The following DIRAS2 variants were observed in gnomAD, a reference collection of about 807,000 sequenced individuals.
DIRAS2 encodes the protein GTP-binding protein Di-Ras2.
DIRAS2 carries 5 observed loss-of-function variants against 13.9 expected under a neutral mutation model. The ratio of observed to expected loss-of-function variants is 0.36; its 90% confidence interval spans 0.19 to 0.76. DIRAS2 has a LOEUF of 0.76. Among genes scored for constraint, DIRAS2 ranks in the 30% least tolerant of loss-of-function variants. The probability of loss-of-function intolerance (pLI) is 0.53; values close to 1 mark genes in which losing one functional copy is unlikely to be tolerated. For synonymous variants in DIRAS2, 111 were observed against 105.4 expected (o/e 1.05, Z -0.33); for missense variants, 191 against 263.0 (o/e 0.73, Z 1.89).
chr9:90,620,318 C>G (rs903477679), intron 1 of DIRAS2, among the ~76,000 whole-genome samples: 8 of 152,178 alleles, frequency 5.3e-5, no homozygotes, highest in African/African-American at 1.7e-4. Flanking sequence ...GAGAAATAAC[C>G]TGTTAAAGGT....
At position 90,611,899 on chromosome 9, in the gene DIRAS2, AGCT is replaced by A; in HGVS notation, c.*1326_*1328del. ...AGGCTCTACGATGGCAGAGCAATTAAGCTGAGTGGGCTCTTCCCAGGGCAGAGA... is the reference window on the plus strand; with the variant it reads ...AGGCTCTACGATGGCAGAGCAATTAAGAGTGGGCTCTTCCCAGGGCAGAGA... On this transcript the variant is annotated 3_prime_UTR_variant, in exon 2 of 2. Transcript: ENST00000375765. The A allele has an allele frequency of 1.3e-5, 2 of 152,254 alleles. No homozygotes were observed. Among genetic ancestry groups the A allele is most frequent in the African/African-American group, 4.8e-5 (2 of 41,470 alleles). The allele number at this position is 152,254 out of a possible 1,614,324, so 9.4% of individuals were successfully genotyped here.
chr9:90,627,511 A>G (rs1825280976), intron 1 of DIRAS2, among the ~76,000 whole-genome samples: 1 of 152,232 alleles, frequency 6.6e-6, no homozygotes, highest in Non-Finnish European at 1.5e-5. Flanking sequence ...GGGAGTTGCC[A>G]GGGGCTAAGG....
chr9:90,633,243 G>A (rs1308630767), intron 1 of DIRAS2, among the ~76,000 whole-genome samples: 3 of 152,182 alleles, frequency 2.0e-5, no homozygotes, highest in Non-Finnish European at 4.4e-5. Context: ...GAGCAGAGGA[G>A]GCAGAAAACA....
chr9:90,630,074 T>C (rs1432439362), intron 1 of DIRAS2, among the ~76,000 whole-genome samples: 1 of 152,074 alleles, frequency 6.6e-6, no homozygotes, highest in Non-Finnish European at 1.5e-5. Context: ...TCTGTTCTTT[T>C]TCTCTCTCTC....
At chr9:90,636,904 C>G (rs1048611486) in intron 1 of DIRAS2, among the ~76,000 whole-genome samples, 2 of 152,184 alleles carry the variant, frequency 1.3e-5, no homozygotes, top group Non-Finnish European at 2.9e-5. Context: ...AACTAACCTA[C>G]TGTATACCAT....
chr9:90,621,963 T>G (rs948686989), intron 1 of DIRAS2, among the ~76,000 whole-genome samples: 3 of 152,226 alleles, frequency 2.0e-5, no homozygotes, highest in Admixed American at 6.5e-5. Context: ...TTCTAAATCC[T>G]ACCAAAAGGC....
rs546825713 is a variant in DIRAS2 at position 90,636,273 on chromosome 9, C to A, written c.-37+6479G>T. ...CAGGATGGTCTCCATCTCCTGACCT[C>A]GTGATCCACCCGCCTTGGCCTCCCA... On this transcript the variant is annotated intron_variant, in intron 1 of 1. Coordinates refer to ENST00000375765, the MANE Select transcript of DIRAS2 (RefSeq NM_017594.5). Among the ~76,000 whole-genome samples the A allele has an allele frequency of 5.3e-5, 8 of 151,970 alleles. No individual in the cohort carries two copies. The East Asian group carries it at 1.6e-3, about 29-fold the overall frequency.
chr9:90,621,700 T>A (rs1224293307), intron 1 of DIRAS2, among the ~76,000 whole-genome samples: 1 of 152,196 alleles, frequency 6.6e-6, no homozygotes, highest in Non-Finnish European at 1.5e-5. Flanking sequence ...GAGAACTTAG[T>A]CATCATCTTC....
chr9:90,614,678 G>A (rs1825151553), intron 1 of DIRAS2, among the ~76,000 whole-genome samples: 1 of 152,118 alleles, frequency 6.6e-6, no homozygotes, highest in Non-Finnish European at 1.5e-5. Context: ...AGTATGAAGA[G>A]TTAACTAATA....
chr9:90,629,274 T>G (rs1164102950), intron 1 of DIRAS2, among the ~76,000 whole-genome samples: 1 of 152,212 alleles, frequency 6.6e-6, no homozygotes, highest in Non-Finnish European at 1.5e-5. Context: ...AAAACAAATC[T>G]CTATACTCTT....
intron 1 of DIRAS2, among the ~76,000 whole-genome samples, chr9:90,632,952 T>C (rs1825338897): frequency 6.6e-6 from 1 of 152,218 alleles, no homozygotes; most frequent in Admixed American, 6.5e-5. Context: ...TACTTGGTGA[T>C]ATCCATGGCT....
chr9:90,619,660 A>G (rs58713446), intron 1 of DIRAS2, among the ~76,000 whole-genome samples: 28,196 of 152,130 alleles, frequency 0.19, 2,731 homozygotes, highest in East Asian at 0.21. Context: ...AAGGTTAAAC[A>G]GAATTATAAT....
intron 1 of DIRAS2, among the ~76,000 whole-genome samples, chr9:90,618,642 T>C (rs1447276143): frequency 1.3e-5 from 2 of 152,148 alleles, no homozygotes; most frequent in Non-Finnish European, 2.9e-5. Context: ...AAATCATATA[T>C]CTGATAAGGG....
At chr9:90,640,735 C>T (rs1825411664) in intron 1 of DIRAS2, among the ~76,000 whole-genome samples, 1 of 152,190 alleles carries the variant, frequency 6.6e-6, no homozygotes, top group Non-Finnish European at 1.5e-5. Flanking sequence ...CAGATCAACA[C>T]CAAACACTTT....
intron 1 of DIRAS2, among the ~76,000 whole-genome samples, chr9:90,638,049 C>A (rs901742917): frequency 6.6e-6 from 1 of 152,102 alleles, no homozygotes; most frequent in Non-Finnish European, 1.5e-5. Flanking sequence ...TTCTGTATAT[C>A]CAATTTAACA....
In DIRAS2 at chr9:90,613,052, T is replaced by G. The variant is rs1825130576; in HGVS notation, c.*176A>C. On this transcript the variant is annotated 3_prime_UTR_variant, in exon 2 of 2. Coordinates refer to ENST00000375765, the MANE Select transcript of DIRAS2 (RefSeq NM_017594.5). The surrounding 1 kb of genome is among the most constrained non-coding windows in gnomAD (Gnocchi z 5.6). ...CCTGGCAGATTCTGTGACTCCAGAG[T>G]GGGTGGCTTACTGTTGGTGGTGTGA... 4 of 823,098 alleles carry G rather than the reference T, an allele frequency of 4.9e-6. No homozygotes were observed. In the South Asian group the frequency reaches 7.4e-5, roughly 15 times the overall value. 51.0% of individuals were successfully genotyped at this position (823,098 alleles called of 1,614,324 possible).
chr9:90,632,774 A>T (rs1048248396), intron 1 of DIRAS2, among the ~76,000 whole-genome samples: 3 of 152,188 alleles, frequency 2.0e-5, no homozygotes, highest in Non-Finnish European at 4.4e-5. Context: ...AGGCTAAGCG[A>T]CTTGCCTTAG....
chr9:90,622,411 T>C (rs997711333), intron 1 of DIRAS2, among the ~76,000 whole-genome samples: 2 of 152,196 alleles, frequency 1.3e-5, no homozygotes, highest in Admixed American at 1.3e-4. Flanking sequence ...ACTTTGCTAA[T>C]TGAAGAATAA....
chr9:90,617,363 G>C (rs117092449), intron 1 of DIRAS2, among the ~76,000 whole-genome samples: 2,259 of 152,244 alleles, frequency 0.015, 28 homozygotes, highest in Middle Eastern at 0.031. Flanking sequence ...TAAATATCTG[G>C]ATACCATTCA....
Sources: allele counts gnomAD v4.1 joint callset (sites outside exome capture counted in the v4.1 genomes callset), GRCh38; gene constraint gnomAD v4.1.1; non-coding constraint Gnocchi (gnomAD v3.1); transcripts MANE v1.5; gene names NCBI Gene and HGNC (gene_info 2026-07-23, HGNC 2026-07-21).